OAF: variants seen among roughly 807,000 people sequenced by gnomAD.
OAF encodes the protein out at first protein homolog.
A neutral mutation model predicts 22.5 loss-of-function variants in OAF; 13 were observed. The observed-to-expected ratio is 0.58, with a 90% CI of 0.38 to 0.92. The LOEUF is 0.92. OAF is among the 40% of genes least tolerant of loss of function. The pLI is 0.00. For synonymous variants in OAF, 175 were observed against 170.5 expected (o/e 1.03, Z -0.21); for missense variants, 347 against 381.8 (o/e 0.91, Z 0.76).
chr11:120,229,236 C>T lies in OAF; in HGVS notation c.*94C>T, dbSNP rs1031355463. On this transcript the variant is annotated 3_prime_UTR_variant, in exon 4 of 4. Transcript: ENST00000328965. ...AACCCCCACCTGAGGCCTTATTTCC[C>T]TCCCTCCCCACTCCCCTGGCCCTAG... 6.1e-6 allele frequency: 7 copies of T among 1,153,618 alleles called. No individual in the cohort carries two copies. In the East Asian group the frequency reaches 1.5e-4, roughly 24 times the overall value. 71.5% of individuals were successfully genotyped at this position (1,153,618 alleles called of 1,614,324 possible).
chr11:120,222,095 G>A (rs1332530211), intron 1 of OAF, among the ~76,000 whole-genome samples: 2 of 152,200 alleles, frequency 1.3e-5, no homozygotes. Context: ...TGTGAAGGTT[G>A]GAAGAAGAGG....
chr11:120,225,901 C>G (rs1055089669), intron 2 of OAF, 106 bp downstream of exon 2: 4 of 944,746 alleles, frequency 4.2e-6, no homozygotes, highest in African/African-American at 1.7e-5. Context: ...CAGACCCGAC[C>G]CCTGCAGCCA....
At position 120,229,333 on chromosome 11, in the gene OAF, G is replaced by C; in HGVS notation, c.*191G>C. The C allele has an allele frequency of 1.7e-6, 1 of 601,722 alleles. No individual in the cohort carries two copies. Among genetic ancestry groups the C allele is most frequent in the Non-Finnish European group, 2.9e-6 (1 of 341,766 alleles). The allele number at this position is 601,722 out of a possible 1,614,324, so 37.3% of individuals were successfully genotyped here. On this transcript the variant is annotated 3_prime_UTR_variant, in exon 4 of 4. Transcript: ENST00000328965. ...TGGCATGGCAGGGGGTCTCATGAAG[G>C]CACCCCCATTCCCACCCTGTGCCTT...
At position 120,211,225 on chromosome 11, in the gene OAF, C is replaced by T. The variant is rs2135086614; in HGVS notation, c.-55C>T. On this transcript the variant is annotated 5_prime_UTR_variant, in exon 1 of 4. Coordinates refer to ENST00000328965, the MANE Select transcript of OAF (RefSeq NM_178507.4). ...AACTTTGGGCGAAGTTTGCCTGCGC[C>T]TCTCCCCGCCCCCACGCGGCGCGCC... 3.5e-6 allele frequency: 4 copies of T among 1,140,282 alleles called. No homozygotes were observed. Among genetic ancestry groups the T allele is most frequent in the South Asian group, 4.3e-5 (1 of 23,144 alleles). 70.6% of individuals were successfully genotyped at this position (1,140,282 alleles called of 1,614,324 possible).
chr11:120,224,135 C>T (rs763853416), intron 1 of OAF, among the ~76,000 whole-genome samples: 24 of 152,214 alleles, frequency 1.6e-4, no homozygotes, highest in Non-Finnish European at 3.4e-4. Flanking sequence ...CCTAATGGAA[C>T]CTTCCTCAAC....
intron 1 of OAF, among the ~76,000 whole-genome samples, chr11:120,221,887 G>C (rs1481104025): frequency 6.6e-6 from 1 of 152,146 alleles, no homozygotes; most frequent in East Asian, 1.9e-4. Flanking sequence ...CCCGTCTTGG[G>C]GACCCTATCC....
chr11:120,211,562 GA>G, intron 1 of OAF, 52 bp downstream of exon 1: 1 of 1,268,954 alleles, frequency 7.9e-7, no homozygotes, highest in Non-Finnish European at 1.0e-6. Flanking sequence ...AGCCCCCCGG[GA>G]TCCCAGGCGC....
rs1938145832 is a variant in OAF, at chr11:120,211,448, A to G, written c.169A>G (p.Ile57Val). The change falls in exon 1 of 4, where the codon ATC becomes GTC. Residue 57 changes from isoleucine (I) to valine (V), a missense_variant. Physicochemically the swap from Ile to Val is conservative, Grantham distance 29. Transcript: ENST00000328965. ...SLQADSDADS[I>V]SLELRKPDGT... ...GCAGGCGGACAGCGACGCGGACAGC[A>G]TCAGCCTCGAGCTGCGCAAGCCCGA... The G allele has an allele frequency of 6.4e-7, 1 of 1,559,084 alleles. No homozygotes were observed. Among genetic ancestry groups the G allele is most frequent in the Non-Finnish European group, 8.7e-7 (1 of 1,154,570 alleles).
At chr11:120,226,698 G>A in intron 2 of OAF, 118 bp from the exon 3 acceptor site, 1 of 878,656 alleles carries the variant, frequency 1.1e-6, no homozygotes. Context: ...CCACCCTGCA[G>A]ATGGCCCCAG....
intron 1 of OAF, among the ~76,000 whole-genome samples, chr11:120,215,557 C>T (rs995262892): frequency 2.0e-5 from 3 of 152,234 alleles, no homozygotes; most frequent in Non-Finnish European, 4.4e-5. Context: ...GCCCTCAGTA[C>T]ACAAACTAAT....
chr11:120,220,035 G>A (rs1257152218), intron 1 of OAF, among the ~76,000 whole-genome samples: 6 of 152,210 alleles, frequency 3.9e-5, no homozygotes, highest in African/African-American at 1.4e-4. Context: ...GAATAGGCTA[G>A]AGTCGCTGCT....
At chr11:120,219,502 G>A (rs117031761) in intron 1 of OAF, among the ~76,000 whole-genome samples, 4,049 of 152,262 alleles carry the variant, frequency 0.027, 72 homozygotes, top group South Asian at 0.072. Flanking sequence ...GGATCCAGGG[G>A]CTCCCTCCCC....
chr11:120,223,249 T>G (rs1022807055), intron 1 of OAF, among the ~76,000 whole-genome samples: 2 of 152,210 alleles, frequency 1.3e-5, no homozygotes. Flanking sequence ...CAATTATGGA[T>G]TCTGGTTAAG....
rs553250442 is a variant in OAF at position 120,227,996 on chromosome 11, C to A, written c.548-872C>A. ...CAGCGCCCCAATATGCACACTTTCC[C>A]ATTTGATCCAAGCCCTGGCCACCCT... is the stretch of plus-strand genomic sequence containing the variant. On this transcript the variant is annotated intron_variant, in intron 3 of 3. Transcript: ENST00000328965. Among the ~76,000 whole-genome samples the A allele has an allele frequency of 2.3e-3, 355 of 152,246 alleles. 3 individuals are homozygous for A. Among genetic ancestry groups the A allele is most frequent in the African/African-American group, 8.1e-3 (338 of 41,556 alleles).
At chr11:120,228,830 C>CAA in intron 3 of OAF, 38 bp from the exon 4 acceptor site, 1 of 412,170 alleles carries the variant, frequency 2.4e-6, no homozygotes, top group East Asian at 6.3e-5. Context: ...TTCCCTCCCT[C>CAA]CCTCCCTCCC....
Position 120,228,975 on chromosome 11 carries a change from G to T in OAF, c.655G>T (p.Gly219Cys), listed in dbSNP as rs375396320. The T allele has an allele frequency of 6.2e-7, 1 of 1,613,204 alleles. No individual in the cohort carries two copies. Among genetic ancestry groups the T allele is most frequent in the Non-Finnish European group, 8.5e-7 (1 of 1,179,958 alleles). Residue 219 changes from glycine (G) to cysteine (C), a missense_variant, in exon 4 of 4, where the codon GGC (glycine) becomes TGC (cysteine). Physicochemically the swap from Gly to Cys is radical, Grantham distance 159. Transcript: ENST00000328965. The stretch of plus-strand genomic sequence containing the variant: ...CGGGAAGCCCTGCGTCTGCCGCTAT[G>T]GCCTGAGCCTGGCCTGGTACCCCTG... ...DHGKPCVCRY[G>C]LSLAWYPCML...
rs368854287 is a variant in OAF at position 120,222,167 on chromosome 11, G to C, written c.232-3494G>C. On this transcript the variant is annotated intron_variant, in intron 1 of 3. Transcript: ENST00000328965. ...GGAGTGGAAAGCGGGAGGGACACTG[G>C]TCAGGATGATGGAGTCCTGTTACCA... Among the ~76,000 whole-genome samples, 12 of 152,316 alleles carry C rather than the reference G, an allele frequency of 7.9e-5. No homozygotes were observed. In the South Asian group the frequency reaches 2.5e-3, roughly 32 times the overall value.
intron 1 of OAF, among the ~76,000 whole-genome samples, chr11:120,223,170 C>T (rs902859310): frequency 2.0e-5 from 3 of 152,228 alleles, no homozygotes; most frequent in African/African-American, 7.2e-5. Context: ...GACCGCACAA[C>T]CTCTGTGTGC....
chr11:120,211,482 T>A lies in OAF; in HGVS notation c.203T>A (p.Leu68His). Residue 68 changes from leucine (L) to histidine (H), a missense_variant, in exon 1 of 4, where the codon CTC (leucine) becomes CAC (histidine). Coordinates refer to ENST00000328965, the MANE Select transcript of OAF (RefSeq NM_178507.4). The part of the protein sequence containing the change: ...SLELRKPDGT[L>H]VSFTADFKKD... ...GAGCTGCGCAAGCCCGACGGCACCCTCGTCTCCTTCACCGCCGACTTCAAG... is the reference window on the plus strand; with the variant it reads ...GAGCTGCGCAAGCCCGACGGCACCCACGTCTCCTTCACCGCCGACTTCAAG... The A allele has an allele frequency of 6.7e-7, 1 of 1,495,914 alleles. No individual in the cohort carries two copies. Among genetic ancestry groups the A allele is most frequent in the African/African-American group, 1.4e-5 (1 of 69,584 alleles). 92.7% of individuals were successfully genotyped at this position (1,495,914 alleles called of 1,614,324 possible).
Sources: allele counts gnomAD v4.1 joint callset (sites outside exome capture counted in the v4.1 genomes callset), GRCh38; gene constraint gnomAD v4.1.1; transcripts MANE v1.5; gene names NCBI Gene and HGNC (gene_info 2026-07-23, HGNC 2026-07-21).